Variants in TDRD6 observed in about 807,000 individuals in gnomAD.
TDRD6 encodes the protein tudor domain containing 6, also known as tudor domain-containing protein 6.
A neutral mutation model predicts 157.5 loss-of-function variants in TDRD6; 186 were observed. The ratio of observed to expected loss-of-function variants is 1.18; its 90% CI spans 1.05 to 1.33. The LOEUF (loss-of-function observed/expected upper bound fraction) is 1.33. Ranked by LOEUF, TDRD6 falls within the 40% of genes most tolerant of loss-of-function variation. The probability of loss-of-function intolerance (pLI) is 0.00; values close to 1 mark genes in which losing one functional copy is unlikely to be tolerated. For missense variants in TDRD6, 3,066 were observed against 2,508.0 expected (o/e 1.22, Z -4.75); for synonymous variants, 1,075 against 945.2 (o/e 1.14, Z -2.52).
rs548279260 is a variant in TDRD6 at position 46,699,991 on chromosome 6, T to C, written c.6262-1867T>C. On this transcript the variant is annotated intron_variant, in intron 3 of 3. Transcript: ENST00000316081. ...TGAAATTTTTACTATAAAAAATCAA[T>C]GAATATCTCTCTTTATGTTAATTAC... is the stretch of plus-strand genomic sequence containing the variant. Among the ~76,000 whole-genome samples the C allele has an allele frequency of 3.3e-5, 5 of 152,308 alleles. No individual in the cohort carries two copies. In the East Asian group the frequency reaches 9.6e-4, roughly 29 times the overall value.
chr6:46,684,627 T>G (rs1311096134), upstream of TDRD6, among the ~76,000 whole-genome samples: 3 of 152,170 alleles, frequency 2.0e-5, no homozygotes, highest in Non-Finnish European at 4.4e-5. Context: ...TACTATTTTT[T>G]TTTCACTCAG....
rs951482137 is a variant in TDRD6 at position 46,688,026 on chromosome 6, A to C, written c.-103A>C. On this transcript the variant is annotated 5_prime_UTR_variant, in exon 1 of 4. Coordinates refer to ENST00000316081, the MANE Select transcript of TDRD6 (RefSeq NM_001010870.3). ...TCTTCCCCTCCACTGGGTCCTTTGA[A>C]CCTAGTTTGGCTGGGACTCGCCTTC... The C allele has an allele frequency of 2.2e-6, 3 of 1,382,624 alleles. No individual in the cohort carries two copies. In the African/African-American group the frequency reaches 4.6e-5, roughly 21 times the overall value. 85.6% of individuals were successfully genotyped at this position (1,382,624 alleles called of 1,614,324 possible).
rs1165140944 is a variant in TDRD6 at position 46,689,338 on chromosome 6, G to T, written c.1210G>T (p.Ala404Ser). ...CCTGAAGACACTGATACTAGGCAAG[G>T]CAGTGAATGCAAAGATTGAATTTTA... ...GDLKTLILGK[A>S]VNAKIEFYCS... is the part of the protein sequence containing the mutation. The change falls in exon 1 of 4, where the codon GCA (alanine) becomes TCA (serine). Residue 404 changes from alanine to serine, a missense_variant. By Grantham distance (99) the Ala-to-Ser change is moderately conservative. Transcript: ENST00000316081. 6.2e-7 allele frequency: 1 copy of T among 1,614,162 alleles called. No homozygotes were observed. The highest frequency in any genetic ancestry group is 8.5e-7 in the Non-Finnish European group (1 of 1,180,030).
At position 46,692,471 on chromosome 6, in the gene TDRD6, GA is replaced by G; in HGVS notation, c.4344del (p.Arg1448SerfsTer22). The G allele has an allele frequency of 6.2e-7, 1 of 1,613,926 alleles. No individual in the cohort carries two copies. On this transcript the variant is annotated frameshift_variant, in exon 1 of 4. Coordinates refer to ENST00000316081, the MANE Select transcript of TDRD6 (RefSeq NM_001010870.3). LOFTEE classifies it high-confidence loss of function. ...FSQRTSEAAI[R>X]CEFVKFQDRW... The stretch of plus-strand genomic sequence containing the variant: ...CAACGGACCAGCGAGGCTGCAATAA[GA>G]TGTGAATTTGTTAAATTTCAAGACA...
Position 46,689,881 on chromosome 6 carries a change from A to T in TDRD6, c.1753A>T (p.Met585Leu), listed in dbSNP as rs774877374. The change falls in exon 1 of 4, where the codon ATG (methionine) becomes TTG (leucine). Residue 585 changes from methionine (M) to leucine (L), a missense_variant. Transcript: ENST00000316081. ...SENVDWYDVR[M>L]LLPQFRQLPI... ...AAATGTGGACTGGTATGACGTAAGG[A>T]TGCTGCTTCCTCAGTTTAGGCAGCT... 24 of 1,614,078 alleles carry T rather than the reference A, an allele frequency of 1.5e-5. No homozygotes were observed. The Admixed American group carries it at 3.3e-4, about 22-fold the overall frequency.
chr6:46,691,396 CT>C lies in TDRD6; in HGVS notation c.3272del (p.Leu1091CysfsTer30), dbSNP rs146289208. 1.9e-6 allele frequency: 3 copies of C among 1,614,054 alleles called. No individual in the cohort carries two copies. Among genetic ancestry groups the C allele is most frequent in the Non-Finnish European group, 2.5e-6 (3 of 1,179,950 alleles). Reference protein sequence around the residue: ...PIPSDAYDVLLLPMQAVRCSL... With the variant: ...PIPSDAYDVLXLPMQAVRCSL... ...ACCTAGTGATGCATATGATGTCTTA[CT>C]TTTGCCCATGCAAGCTGTCAGATGT... On this transcript the variant is annotated frameshift_variant, in exon 1 of 4. Coordinates refer to ENST00000316081, the MANE Select transcript of TDRD6 (RefSeq NM_001010870.3). LOFTEE classifies it high-confidence loss of function.
intron 2 of TDRD6, among the ~76,000 whole-genome samples, chr6:46,696,616 T>A (rs1764511352): frequency 1.3e-5 from 1 of 79,286 alleles, no homozygotes; most frequent in African/African-American, 5.2e-5. Context: ...TTTTTTTTTT[T>A]TTTTTTTTTT....
At position 46,689,565 on chromosome 6, in the gene TDRD6, A is replaced by T; in HGVS notation, c.1437A>T (p.Arg479Ser). ...VDEEISLPAL[R>S]SIRLKMNAFY... is the part of the protein sequence containing the mutation. ...AAGAGATTTCACTCCCAGCCTTAAGATCTATCAGGTTAAAGATGAATGCCT... is the reference window on the plus strand; with the variant it reads ...AAGAGATTTCACTCCCAGCCTTAAGTTCTATCAGGTTAAAGATGAATGCCT... The change falls in exon 1 of 4, where the codon AGA (arginine) becomes AGT (serine). Residue 479 changes from arginine (R) to serine (S), a missense_variant. By Grantham distance (110) the Arg-to-Ser change is moderately radical. Transcript: ENST00000316081. 1 of 1,614,158 alleles carries T rather than the reference A, an allele frequency of 6.2e-7. No individual in the cohort carries two copies. The highest frequency in any genetic ancestry group is 2.2e-5 in the East Asian group (1 of 44,878).
intron 3 of TDRD6, among the ~76,000 whole-genome samples, chr6:46,700,297 T>C (rs1764591249): frequency 6.6e-6 from 1 of 152,196 alleles, no homozygotes; most frequent in African/African-American, 2.4e-5. Flanking sequence ...AAACTACTTA[T>C]GAGTAAGACT....
Position 46,695,897 on chromosome 6 carries a change from C to T in TDRD6, c.6123C>T (p.Asn2041=), listed in dbSNP as rs369291647. 6 of 1,613,536 alleles carry T rather than the reference C, an allele frequency of 3.7e-6. No homozygotes were observed. The African/African-American group carries it at 6.7e-5, about 18-fold the overall frequency. The change falls in exon 2 of 4, where the codon AAC becomes AAT. Residue 2041 remains asparagine (N), a synonymous_variant. Transcript: ENST00000316081. ...GTGTTGTGTGGTCAAGTCTAAGAAA[C>T]ACATGGTCTAAATGTGAGATTTTAG... ...SKCVVWSSLR[N]TWSKCEILET...
Position 46,692,888 on chromosome 6 carries a change from C to T in TDRD6, c.4760C>T (p.Ala1587Val). Residue 1587 changes from alanine (A) to valine (V), a missense_variant, in exon 1 of 4, where the codon GCA becomes GTA. Coordinates refer to ENST00000316081, the MANE Select transcript of TDRD6 (RefSeq NM_001010870.3). Reference protein sequence around the residue: ...RYREDGHYYRALITNICEDYL... With the variant: ...RYREDGHYYRVLITNICEDYL... ...AGAGAAGATGGACATTATTATAGGGCACTTATCACTAATATTTGTGAAGAT... is the reference window on the plus strand; with the variant it reads ...AGAGAAGATGGACATTATTATAGGGTACTTATCACTAATATTTGTGAAGAT... The T allele has an allele frequency of 1.9e-6, 3 of 1,614,094 alleles. No individual in the cohort carries two copies. Among genetic ancestry groups the T allele is most frequent in the Non-Finnish European group, 2.5e-6 (3 of 1,180,002 alleles).
rs1459178116 is a variant in TDRD6, at chr6:46,691,275, G to A, written c.3147G>A (p.Trp1049Ter). 1.9e-6 allele frequency: 3 copies of A among 1,614,080 alleles called. No homozygotes were observed. The highest frequency in any genetic ancestry group is 2.2e-5 in the South Asian group (2 of 91,086). The part of the protein sequence containing the change: ...LCLAKYTDGN[W>*]YRGIVIEKEP... The stretch of plus-strand genomic sequence containing the variant: ...TTGCCAAGTATACTGATGGAAACTG[G>A]TATAGGGGCATAGTAATAGAGAAAG... Residue 1049 changes from tryptophan to a stop codon, truncating the protein, a stop_gained, in exon 1 of 4, where the codon TGG becomes TGA. Transcript: ENST00000316081. LOFTEE classifies it high-confidence loss of function.
At chr6:46,701,141 T>TGTTTTGA (rs1275389212) in intron 3 of TDRD6, 1 of 290,264 alleles carries the variant, frequency 3.4e-6, no homozygotes, top group East Asian at 1.2e-4. Context: ...GCTGAATCCC[T>TGTTTTGA]CAAACAAAAA....
the TDRD6 span, among the ~76,000 whole-genome samples, chr6:46,682,584 A>T: frequency 1.3e-5 from 2 of 151,906 alleles, no homozygotes; most frequent in African/African-American, 4.8e-5. Context: ...ATATAAAAAA[A>T]ATCCCAAGGA....
In TDRD6 at chr6:46,692,767, TTAGAAG is replaced by T. The variant is rs564804501; in HGVS notation, c.4648_4653del (p.Glu1550_Val1551del). On this transcript the variant is annotated inframe_deletion, in exon 1 of 4. Coordinates refer to ENST00000316081, the MANE Select transcript of TDRD6 (RefSeq NM_001010870.3). ...TGCTGATACGGAGAAACTTCAGTGT[TTAGAAG>T]TAGAAGTACAGACTGCTGGAGAACA... is the stretch of plus-strand genomic sequence containing the variant. 1.9e-4 allele frequency: 313 copies of T among 1,614,088 alleles called. 5 individuals carry two copies. In the South Asian group the frequency reaches 3.1e-3, roughly 16 times the overall value.
Position 46,701,855 on chromosome 6 carries a change from C to A in TDRD6, c.6262-3C>A. 6.2e-7 allele frequency: 1 copy of A among 1,611,900 alleles called. No homozygotes were observed. Among genetic ancestry groups the A allele is most frequent in the Non-Finnish European group, 8.5e-7 (1 of 1,178,592 alleles). ...GTTTGAAGTTTTTCTCTTTTTGTTT[C>A]AGAAAAGGGGTTTGGAGGTGATGGA... On this transcript the variant is annotated splice_region_variant and splice_polypyrimidine_tract_variant and intron_variant, in intron 3 of 3. Transcript: ENST00000316081.
At position 46,690,885 on chromosome 6, in the gene TDRD6, A is replaced by G. The variant is rs1357473638; in HGVS notation, c.2757A>G (p.Glu919=). 10 of 1,613,800 alleles carry G rather than the reference A, an allele frequency of 6.2e-6. No homozygotes were observed. Among genetic ancestry groups the G allele is most frequent in the Non-Finnish European group, 8.5e-6 (10 of 1,179,928 alleles). The change falls in exon 1 of 4, where the codon GAA becomes GAG. Residue 919 remains glutamate (E), a synonymous_variant. Coordinates refer to ENST00000316081, the MANE Select transcript of TDRD6 (RefSeq NM_001010870.3). Reference sequence around the variant, plus strand: ...ATAATGCATGGCAAAAAAATCTAGAATTAAAATGTACAATATTTGCTCTGG... The same window carrying G: ...ATAATGCATGGCAAAAAAATCTAGAGTTAAAATGTACAATATTTGCTCTGG... ...FIDNAWQKNL[E]LKCTIFALAS...
Position 46,690,858 on chromosome 6 carries a change from A to G in TDRD6, c.2730A>G (p.Ile910Met). 6.2e-7 allele frequency: 1 copy of G among 1,613,750 alleles called. No homozygotes were observed. Among genetic ancestry groups the G allele is most frequent in the East Asian group, 2.2e-5 (1 of 44,874 alleles). ...CAATACAAGCTTTCAATGAATTTATAGATAATGCATGGCAAAAAAATCTAG... is the reference window on the plus strand; with the variant it reads ...CAATACAAGCTTTCAATGAATTTATGGATAATGCATGGCAAAAAAATCTAG... ...VKAIQAFNEFIDNAWQKNLEL... is the reference protein window; with the variant it reads ...VKAIQAFNEFMDNAWQKNLEL... The change falls in exon 1 of 4, where the codon ATA becomes ATG. Residue 910 changes from isoleucine (I) to methionine (M), a missense_variant. Transcript: ENST00000316081.
At chr6:46,696,738 A>G (rs1015255522) in intron 2 of TDRD6, among the ~76,000 whole-genome samples, 2 of 143,894 alleles carry the variant, frequency 1.4e-5, no homozygotes, top group Non-Finnish European at 3.0e-5. Context: ...CAGCCTCCCA[A>G]GTAGCTGGGA....
Sources: gnomAD v4.1 joint callset for allele counts (sites outside exome capture counted in the v4.1 genomes callset) on GRCh38, gnomAD v4.1.1 for gene constraint, MANE v1.5 for transcripts, NCBI Gene and HGNC (gene_info 2026-07-23, HGNC 2026-07-21) for gene names.